Variants in NEB observed in about 807,000 individuals in gnomAD.
NEB encodes the protein nebulin.
In NEB, 512 loss-of-function variants were observed where a neutral mutation model predicts 952.2. That is an observed-to-expected ratio of 0.54 (90% CI 0.50 to 0.58). The LOEUF is 0.58. Ranked by LOEUF, NEB falls within the 20% of genes least tolerant of loss-of-function variation. The probability of loss-of-function intolerance (pLI) is 0.00; values close to 1 mark genes in which losing one functional copy is unlikely to be tolerated. For synonymous variants in NEB, 2,900 were observed against 3,149.8 expected (o/e 0.92, Z 2.66); for missense variants, 8,428 against 9,231.1 (o/e 0.91, Z 3.56).
intron 128 of NEB, among the ~76,000 whole-genome samples, chr2:151,552,315 C>CT (rs1277662510): frequency 6.6e-6 from 1 of 152,184 alleles, no homozygotes; most frequent in South Asian, 2.1e-4. Flanking sequence ...CTCCACAACT[C>CT]TAACTCCAGA....
rs760344676 is a variant in NEB at position 151,568,442 on chromosome 2, A to AG, written c.17635-26dup. ...TCTAAAAAAAAAAAAATGAGAGGCAAGGGGGCAAGTTACTTGTTAAGAAAG... is the reference window on the plus strand; with the variant it reads ...TCTAAAAAAAAAAAAATGAGAGGCAAGGGGGGCAAGTTACTTGTTAAGAAAG... On this transcript the variant is annotated intron_variant, in intron 111 of 181. Transcript: ENST00000397345. 1.9e-6 allele frequency: 3 copies of AG among 1,574,180 alleles called. No homozygotes were observed. The Admixed American group carries it at 5.0e-5, about 26-fold the overall frequency.
chr2:151,632,496 C>T (rs1196042893), intron 65 of NEB, among the ~76,000 whole-genome samples: 1 of 151,498 alleles, frequency 6.6e-6, no homozygotes, highest in East Asian at 1.9e-4. Context: ...GCCAATATGG[C>T]GAAACCCCAT....
intron 54 of NEB, among the ~76,000 whole-genome samples, chr2:151,648,551 C>T (rs1284078126): frequency 2.0e-5 from 3 of 152,110 alleles, no homozygotes; most frequent in Non-Finnish European, 4.4e-5. Flanking sequence ...CACATTGTAC[C>T]CACCAAGCAA....
intron 18 of NEB, 51 bp from the exon 19 acceptor site, chr2:151,694,680 C>CTTTT: frequency 6.9e-7 from 1 of 1,444,774 alleles, no homozygotes; most frequent in Non-Finnish European, 9.5e-7. Context: ...ATGCATGTCA[C>CTTTT]GACCTTTAAA....
rs1370231860 is a variant in NEB, at chr2:151,677,956, G to T, written c.3487C>A (p.His1163Asn). ...AAGTAGGTGTAATGATGGAGAGAATGCTTATAGTTGACATTGCTGACCACA... is the reference window on the plus strand; with the variant it reads ...AAGTAGGTGTAATGATGGAGAGAATTCTTATAGTTGACATTGCTGACCACA... ...QDVVSNVNYK[H>N]SLHHYTYLPD... The change falls in exon 33 of 182, where the codon CAT (histidine) becomes AAT (asparagine). Residue 1163 changes from histidine (H) to asparagine (N), a missense_variant. This residue lies in a region of NEB where 2,851 missense variants were observed against 2,791.5 expected (regional missense o/e 1.02). Coordinates refer to ENST00000397345, the MANE Select transcript of NEB (RefSeq NM_001164508.2). 6.2e-7 allele frequency: 1 copy of T among 1,613,908 alleles called. No individual in the cohort carries two copies.
intron 126 of NEB, 84 bp downstream of exon 126, chr2:151,553,744 T>C: frequency 7.5e-7 from 1 of 1,326,550 alleles, no homozygotes; most frequent in Non-Finnish European, 1.0e-6. Context: ...AAGGCTAAGG[T>C]AAAGAAATGG....
intron 164 of NEB, 144 bp downstream of exon 164, chr2:151,506,022 C>A: frequency 1.3e-6 from 1 of 744,886 alleles, no homozygotes; most frequent in Non-Finnish European, 2.4e-6. Flanking sequence ...TGACTCTAGC[C>A]ACTGTGTGGT....
At chr2:151,629,347 T>C (rs775294200) in intron 68 of NEB, among the ~76,000 whole-genome samples, 192 bp downstream of exon 68, 60 of 152,300 alleles carry the variant, frequency 3.9e-4, no homozygotes, top group Non-Finnish European at 8.1e-4. Flanking sequence ...CCTTCCTACC[T>C]GGGACATAGA....
chr2:151,531,989 G>A (rs562666913), intron 143 of NEB, 93 bp from the exon 144 acceptor site: 2 of 707,754 alleles, frequency 2.8e-6, no homozygotes, highest in South Asian at 1.9e-5. Flanking sequence ...AGTGGGAGAT[G>A]GTATCTAGCT....
In NEB at chr2:151,717,424, C is replaced by T. The variant is rs750582285; in HGVS notation, c.814G>A (p.Val272Met). The change falls in exon 10 of 182, where the codon GTG becomes ATG. Residue 272 changes from valine to methionine, a missense_variant. This residue lies in a region of NEB where 2,851 missense variants were observed against 2,791.5 expected (regional missense o/e 1.02). Coordinates refer to ENST00000397345, the MANE Select transcript of NEB (RefSeq NM_001164508.2). ...CAGCTCTATTTACTTACCTTGCTCACTTGATTGGTTACTTTCTTGGCAAAT... is the reference window on the plus strand; with the variant it reads ...CAGCTCTATTTACTTACCTTGCTCATTTGATTGGTTACTTTCTTGGCAAAT... ...IEFAKKVTNQVSKQKYKEDYE... is the reference protein window; with the variant it reads ...IEFAKKVTNQMSKQKYKEDYE... 3 of 1,609,846 alleles carry T rather than the reference C, an allele frequency of 1.9e-6. No homozygotes were observed. Among genetic ancestry groups the T allele is most frequent in the Admixed American group, 3.3e-5 (2 of 60,000 alleles).
intron 29 of NEB, among the ~76,000 whole-genome samples, chr2:151,682,433 T>C (rs904334162): frequency 6.6e-6 from 1 of 152,244 alleles, no homozygotes; most frequent in Non-Finnish European, 1.5e-5. Context: ...TAACAAGTTA[T>C]ACCTTAATAA....
rs777148695 is a variant in NEB at position 151,695,650 on chromosome 2, C to G, written c.1602G>C (p.Lys534Asn). The G allele has an allele frequency of 1.7e-5, 27 of 1,613,698 alleles. No homozygotes were observed. The highest frequency in any genetic ancestry group is 2.5e-6 in the Non-Finnish European group (3 of 1,179,804). The stretch of plus-strand genomic sequence containing the variant: ...TATCAGGGGGGATATGGCACTTGAA[C>G]TTTTCACTTTCATGTTTTGCTTTGT... Reference protein sequence around the residue: ...LNYKAKHESEKFKCHIPPDTP... With the variant: ...LNYKAKHESENFKCHIPPDTP... Residue 534 changes from lysine to asparagine, a missense_variant, in exon 18 of 182, where the codon AAG (lysine) becomes AAC (asparagine). Around this residue, in one of 11 missense-constraint regions of NEB, gnomAD observed 2,851 missense variants for 2,791.5 expected, o/e 1.02. Transcript: ENST00000397345.
At position 151,570,678 on chromosome 2, in the gene NEB, C is replaced by A. The variant is rs1197746772; in HGVS notation, c.17014-77G>T. 8 of 1,309,200 alleles carry A rather than the reference C, an allele frequency of 6.1e-6. No individual in the cohort carries two copies. In the Admixed American group the frequency reaches 1.2e-4, roughly 19 times the overall value. 81.1% of individuals were successfully genotyped at this position (1,309,200 alleles called of 1,614,324 possible). ...TTCAATGGCTCAGGTGGAATTAATA[C>A]CACAGGGGCACAGTTTTGAAGCCCA... is the stretch of plus-strand genomic sequence containing the variant. On this transcript the variant is annotated intron_variant, in intron 107 of 181. Transcript: ENST00000397345.
rs766467431 is a variant in NEB, at chr2:151,526,010, G to C, written c.22109C>G (p.Pro7370Arg). ...GACGTGAACAGTGTCCCGGGTCTCT[G>C]GTAGTGTTGTGTATGAGCCCTGTGC... ...HLAQGSYTTL[P>R]ETRDTVHVKE... Residue 7370 changes from proline (P) to arginine (R), a missense_variant, in exon 150 of 182, where the codon CCA becomes CGA. Around this residue, in one of 11 missense-constraint regions of NEB, gnomAD observed 3,374 missense variants for 3,651.5 expected, o/e 0.92. Coordinates refer to ENST00000397345, the MANE Select transcript of NEB (RefSeq NM_001164508.2). 14 of 1,613,892 alleles carry C rather than the reference G, an allele frequency of 8.7e-6. No individual in the cohort carries two copies. Among genetic ancestry groups the C allele is most frequent in the Non-Finnish European group, 8.5e-7 (1 of 1,179,884 alleles).
At chr2:151,504,296 T>G (rs115092099) in intron 165 of NEB, among the ~76,000 whole-genome samples, 1 of 152,198 alleles carries the variant, frequency 6.6e-6, no homozygotes, top group Non-Finnish European at 1.5e-5. Flanking sequence ...TAGGAACCTT[T>G]GAACATCTAC....
intron 135 of NEB, among the ~76,000 whole-genome samples, chr2:151,543,699 C>A (rs954942322): frequency 6.6e-6 from 1 of 152,140 alleles, no homozygotes; most frequent in Non-Finnish European, 1.5e-5. Flanking sequence ...ATTGCCCAGG[C>A]TGGCCTCAAA....
chr2:151,577,917 T>C (rs1447127648), intron 105 of NEB, among the ~76,000 whole-genome samples: 1 of 152,182 alleles, frequency 6.6e-6, no homozygotes, highest in Non-Finnish European at 1.5e-5. Context: ...CACCATGGTA[T>C]CTTTAGTGCT....
intron 38 of NEB, among the ~76,000 whole-genome samples, chr2:151,670,636 C>T (rs1462496110): frequency 3.3e-5 from 5 of 152,228 alleles, no homozygotes; most frequent in Non-Finnish European, 7.3e-5. Flanking sequence ...GGGATTAGGA[C>T]ATTATGCCTC....
At chr2:151,541,159 G>A (rs1484666263) in intron 136 of NEB, among the ~76,000 whole-genome samples, 8 of 152,114 alleles carry the variant, frequency 5.3e-5, no homozygotes, top group African/African-American at 1.7e-4. Flanking sequence ...TTTGTCTGCG[G>A]ATAACAGGAA....
Sources: gnomAD v4.1 joint callset for allele counts (sites outside exome capture counted in the v4.1 genomes callset) on GRCh38, gnomAD v4.1.1 for gene constraint, gnomAD v4.1.1 regional missense constraint, MANE v1.5 for transcripts, NCBI Gene and HGNC (gene_info 2026-07-23, HGNC 2026-07-21) for gene names.